Variants in MFHAS1 observed in about 807,000 individuals in gnomAD.
MFHAS1 encodes the protein multifunctional ROCO family signaling regulator 1, also known as malignant fibrous histiocytoma-amplified sequence 1.
A neutral mutation model predicts 70.4 loss-of-function variants in MFHAS1; 50 were observed. The ratio of observed to expected loss-of-function variants is 0.71; its 90% CI spans 0.57 to 0.90. The LOEUF is 0.90. Ranked by LOEUF, MFHAS1 falls within the 40% of genes least tolerant of loss-of-function variation. The probability of loss-of-function intolerance (pLI) is 0.00; values close to 1 mark genes in which losing one functional copy is unlikely to be tolerated. For synonymous variants in MFHAS1, 952 were observed against 620.0 expected (o/e 1.54, Z -7.96); for missense variants, 1,795 against 1,347.6 (o/e 1.33, Z -5.20).
intron 2 of MFHAS1, among the ~76,000 whole-genome samples, chr8:8,791,125 GT>G (rs34714915): frequency 0.011 from 1,487 of 132,588 alleles, 12 homozygotes; most frequent in South Asian, 0.048. Flanking sequence ...CACCCCACCC[GT>G]TTTTTTTTTT....
At chr8:8,795,062 G>T (rs1458087861) in intron 2 of MFHAS1, among the ~76,000 whole-genome samples, 1 of 152,146 alleles carries the variant, frequency 6.6e-6, no homozygotes, top group Non-Finnish European at 1.5e-5. Context: ...ACGGCACTTG[G>T]CTATGGCAAA....
chr8:8,866,155 C>G (rs560338277), intron 1 of MFHAS1, among the ~76,000 whole-genome samples: 19 of 152,168 alleles, frequency 1.2e-4, no homozygotes, highest in African/African-American at 4.1e-4. Context: ...GCCTGGGAAC[C>G]TAGGAGCACT....
intron 1 of MFHAS1, among the ~76,000 whole-genome samples, chr8:8,810,155 C>T (rs1806494042): frequency 1.3e-5 from 2 of 152,266 alleles, no homozygotes; most frequent in African/African-American, 4.8e-5. Flanking sequence ...TTGCTTGAGA[C>T]CAGAAGTTCG....
At chr8:8,840,429 C>T (rs1200956546) in intron 1 of MFHAS1, among the ~76,000 whole-genome samples, 1 of 148,882 alleles carries the variant, frequency 6.7e-6, no homozygotes, top group African/African-American at 2.5e-5. Flanking sequence ...TGCACTCTAG[C>T]CTGGGCCACA....
chr8:8,818,720 C>A (rs1197497134), intron 1 of MFHAS1, among the ~76,000 whole-genome samples: 1 of 152,190 alleles, frequency 6.6e-6, no homozygotes, highest in Non-Finnish European at 1.5e-5. Context: ...AATATAAAAA[C>A]CAAAGTTTGG....
At chr8:8,814,139 T>G (rs763060396) in intron 1 of MFHAS1, among the ~76,000 whole-genome samples, 1 of 152,154 alleles carries the variant, frequency 6.6e-6, no homozygotes, top group Non-Finnish European at 1.5e-5. Context: ...GGTTTCGCCA[T>G]GTTGGCCAGG....
chr8:8,793,801 C>T (rs148935842), intron 2 of MFHAS1, among the ~76,000 whole-genome samples: 4 of 152,332 alleles, frequency 2.6e-5, no homozygotes, highest in South Asian at 2.1e-4. Context: ...CGTGTACACA[C>T]GTTAGACTCA....
In MFHAS1 at chr8:8,784,655, G is replaced by A. The variant is rs1805472486; in HGVS notation, c.*1367C>T. 1 of 152,196 alleles carries A rather than the reference G, an allele frequency of 6.6e-6. No individual in the cohort carries two copies. The highest frequency in any genetic ancestry group is 1.5e-5 in the Non-Finnish European group (1 of 68,038). 9.4% of individuals were successfully genotyped at this position (152,196 alleles called of 1,614,324 possible). A position where few individuals can be genotyped will look rare whatever the true frequency, so the allele number is the denominator to read the frequency against. ...ACTTTACAAAAGAAGTAAAAGAGTA[G>A]CGAGTACCAGCAACTCACTCTTCTT... On this transcript the variant is annotated 3_prime_UTR_variant, in exon 3 of 3. Coordinates refer to ENST00000276282, the MANE Select transcript of MFHAS1 (RefSeq NM_004225.3).
chr8:8,857,883 T>C (rs1212604721), intron 1 of MFHAS1, among the ~76,000 whole-genome samples: 1 of 152,200 alleles, frequency 6.6e-6, no homozygotes, highest in Non-Finnish European at 1.5e-5. Context: ...GTTGGGCAAA[T>C]TCCATATGCT....
intron 1 of MFHAS1, among the ~76,000 whole-genome samples, chr8:8,888,535 C>CAT (rs1213634126): frequency 6.6e-6 from 1 of 152,076 alleles, no homozygotes; most frequent in Non-Finnish European, 1.5e-5. Flanking sequence ...CACACACACA[C>CAT]ACACAAAAAC....
At chr8:8,832,056 G>GCA (rs1464235374) in intron 1 of MFHAS1, among the ~76,000 whole-genome samples, 126 of 136,042 alleles carry the variant, frequency 9.3e-4, no homozygotes, top group African/African-American at 3.8e-3. Context: ...GCACGCGCGC[G>GCA]CGCGCGCACA....
In MFHAS1 at chr8:8,802,265, ACT is replaced by A. The variant is rs1806106655; in HGVS notation, c.2999-4776_2999-4775del. ...TCACAGGAAGAAGTGGCTGTGCTGAACTCTGACAGTAGGACTGACTAAACTCA... is the reference window on the plus strand; with the variant it reads ...TCACAGGAAGAAGTGGCTGTGCTGAACTGACAGTAGGACTGACTAAACTCA... On this transcript the variant is annotated intron_variant, in intron 1 of 2. Transcript: ENST00000276282. Among the ~76,000 whole-genome samples the A allele has an allele frequency of 2.0e-5, 3 of 152,242 alleles. No homozygotes were observed. The East Asian group carries it at 5.8e-4, about 29-fold the overall frequency.
chr8:8,880,085 C>A (rs1809455618), intron 1 of MFHAS1, among the ~76,000 whole-genome samples: 1 of 152,210 alleles, frequency 6.6e-6, no homozygotes, highest in Non-Finnish European at 1.5e-5. Context: ...CTAGAACAGA[C>A]CAGGAGGCTT....
At chr8:8,820,937 G>T (rs1179460890) in intron 1 of MFHAS1, among the ~76,000 whole-genome samples, 1 of 152,226 alleles carries the variant, frequency 6.6e-6, no homozygotes, top group Non-Finnish European at 1.5e-5. Context: ...GCAGCAGTGA[G>T]AGAGAGAAGC....
intron 1 of MFHAS1, among the ~76,000 whole-genome samples, chr8:8,877,768 C>G (rs572931158): frequency 6.6e-6 from 1 of 152,268 alleles, no homozygotes; most frequent in South Asian, 2.1e-4. Context: ...AGAGCCCAGC[C>G]CAATGACAAA....
At chr8:8,831,396 C>G (rs1034065472) in intron 1 of MFHAS1, among the ~76,000 whole-genome samples, 6 of 151,976 alleles carry the variant, frequency 3.9e-5, no homozygotes, top group African/African-American at 1.5e-4. Context: ...TCGAATAAAT[C>G]CAACTTAAAA....
chr8:8,885,091 A>T (rs921251275), intron 1 of MFHAS1, among the ~76,000 whole-genome samples: 28 of 152,192 alleles, frequency 1.8e-4, no homozygotes, highest in African/African-American at 6.8e-4. Context: ...CTAATCAAAG[A>T]TATATCATGA....
At chr8:8,817,287 T>C (rs1016936012) in intron 1 of MFHAS1, among the ~76,000 whole-genome samples, 4 of 152,352 alleles carry the variant, frequency 2.6e-5, no homozygotes, top group Admixed American at 6.5e-5. Context: ...GCACTTGATT[T>C]CTTGAGCTGA....
intron 1 of MFHAS1, among the ~76,000 whole-genome samples, chr8:8,863,829 A>G (rs1808754770): frequency 6.6e-6 from 1 of 152,184 alleles, no homozygotes; most frequent in African/African-American, 2.4e-5. Flanking sequence ...AAAACTTAAG[A>G]AAGTTGCATT....
Sources: gnomAD v4.1 joint callset for allele counts (sites outside exome capture counted in the v4.1 genomes callset) on GRCh38, gnomAD v4.1.1 for gene constraint, MANE v1.5 for transcripts, NCBI Gene and HGNC (gene_info 2026-07-23, HGNC 2026-07-21) for gene names.